SLC30A8: variants seen among roughly 807,000 people sequenced by gnomAD.
SLC30A8 encodes solute carrier family 30 member 8, also known as proton-coupled zinc antiporter SLC30A8.
In SLC30A8, 27 loss-of-function variants were observed where a neutral mutation model predicts 36.9. The ratio of observed to expected loss-of-function variants is 0.73; its 90% CI spans 0.54 to 1.01. The LOEUF is 1.01. Ranked by LOEUF, SLC30A8 falls within the 50% of genes least tolerant of loss-of-function variation. The pLI is 0.00. For synonymous variants in SLC30A8, 164 were observed against 172.4 expected (o/e 0.95, Z 0.38); for missense variants, 439 against 452.0 (o/e 0.97, Z 0.26).
In SLC30A8 at chr8:117,175,833, G is replaced by A. The variant is rs1299395757; in HGVS notation, c.*3152G>A. 1 of 152,066 alleles carries A rather than the reference G, an allele frequency of 6.6e-6. No individual in the cohort carries two copies. Among genetic ancestry groups the A allele is most frequent in the Admixed American group, 6.6e-5 (1 of 15,238 alleles). 9.4% of individuals were successfully genotyped at this position (152,066 alleles called of 1,614,324 possible). A position where few individuals can be genotyped will look rare whatever the true frequency, so the allele number is the denominator to read the frequency against. On this transcript the variant is annotated 3_prime_UTR_variant, in exon 8 of 8. Transcript: ENST00000456015. ...ACAGCTGTTTCTCAGAGGAAGCAAT[G>A]GAGGCTTGCTGGGATAAAGGCATTT...
intron 1 of SLC30A8, among the ~76,000 whole-genome samples, chr8:116,959,409 A>C (rs549070011): frequency 2.6e-5 from 4 of 152,160 alleles, no homozygotes; most frequent in African/African-American, 7.2e-5. Context: ...TTTAGTATCA[A>C]TGTTAGTTCT....
In SLC30A8 at chr8:117,157,672, T is replaced by G; in HGVS notation, c.419-19T>G. The G allele has an allele frequency of 1.9e-6, 3 of 1,613,632 alleles. No homozygotes were observed. In the South Asian group the frequency reaches 3.3e-5, roughly 18 times the overall value. On this transcript the variant is annotated intron_variant, in intron 3 of 7. Transcript: ENST00000456015. Reference sequence around the variant, plus strand: ...GGAGTTATCTGTGTGTGGGTTTCTGTGTGTGTTTGAATTCCTAGAGATCCT... The same window carrying G: ...GGAGTTATCTGTGTGTGGGTTTCTGGGTGTGTTTGAATTCCTAGAGATCCT...
intron 2 of SLC30A8, among the ~76,000 whole-genome samples, chr8:117,111,927 A>C (rs1820244612): frequency 6.6e-6 from 1 of 152,046 alleles, no homozygotes; most frequent in Non-Finnish European, 1.5e-5. Flanking sequence ...AATATCTGGA[A>C]ATGTCTAGAA....
upstream of SLC30A8, among the ~76,000 whole-genome samples, chr8:117,133,806 A>G (rs1385208814): frequency 6.6e-6 from 1 of 151,996 alleles, no homozygotes; most frequent in Non-Finnish European, 1.5e-5. Flanking sequence ...GAGAAAAAAT[A>G]CATTGGTTTT....
At chr8:116,977,291 G>GCCACCCGAGTA (rs1399010565) in intron 1 of SLC30A8, among the ~76,000 whole-genome samples, 1 of 147,180 alleles carries the variant, frequency 6.8e-6, no homozygotes, top group Non-Finnish European at 1.5e-5. Context: ...TGGGACTACA[G>GCCACCCGAGTA]GCGCCCGCCA....
intron 2 of SLC30A8, among the ~76,000 whole-genome samples, chr8:117,150,971 CCTT>C (rs1554590615): frequency 6.6e-6 from 1 of 151,300 alleles, no homozygotes; most frequent in Non-Finnish European, 1.5e-5. Flanking sequence ...AAGTAGATCT[CCTT>C]AGCCATAGAA....
rs560122018 is a variant in SLC30A8, at chr8:117,161,804, C to T, written c.639C>T (p.Ser213=). 8.7e-6 allele frequency: 14 copies of T among 1,613,924 alleles called. No individual in the cohort carries two copies. Among genetic ancestry groups the T allele is most frequent in the Middle Eastern group, 1.7e-4 (1 of 6,060 alleles). Residue 213 remains serine, a synonymous_variant, in exon 5 of 8, where the codon AGC becomes AGT. Transcript: ENST00000456015. ...ACAAGGAAGTACAAGCCAATGCCAG[C>T]GTCAGAGCTGCTTTTGTGCATGCCC... is the stretch of plus-strand genomic sequence containing the variant. ...HNHKEVQANA[S]VRAAFVHALG... is the part of the protein sequence containing the mutation.
At chr8:116,969,983 C>A (rs906770792) in intron 1 of SLC30A8, among the ~76,000 whole-genome samples, 3 of 151,918 alleles carry the variant, frequency 2.0e-5, no homozygotes, top group African/African-American at 4.8e-5. Context: ...ACTAAATTAA[C>A]CTTAGCTTAC....
intron 2 of SLC30A8, among the ~76,000 whole-genome samples, chr8:117,096,920 T>G (rs1416932613): frequency 3.3e-5 from 5 of 152,094 alleles, no homozygotes; most frequent in Admixed American, 3.3e-4. Context: ...ACTCGTTGTC[T>G]TATTACTGCC....
chr8:117,013,890 A>AT (rs1027221862), intron 1 of SLC30A8, among the ~76,000 whole-genome samples: 1 of 152,114 alleles, frequency 6.6e-6, no homozygotes, highest in African/African-American at 2.4e-5. Flanking sequence ...ATTATCAGTC[A>AT]TTTTTTTCAA....
At chr8:117,075,887 G>A (rs1818472349) in intron 2 of SLC30A8, among the ~76,000 whole-genome samples, 2 of 152,108 alleles carry the variant, frequency 1.3e-5, no homozygotes, top group South Asian at 4.1e-4. Context: ...TGTACCCTCT[G>A]TCTCAGATAT....
chr8:117,086,690 G>T (rs1818891292), intron 2 of SLC30A8, among the ~76,000 whole-genome samples: 1 of 152,138 alleles, frequency 6.6e-6, no homozygotes, highest in South Asian at 2.1e-4. Context: ...AGAAACACAA[G>T]ACAGGAAGTT....
chr8:117,159,885 C>T (rs778827585), intron 4 of SLC30A8, among the ~76,000 whole-genome samples: 8 of 152,200 alleles, frequency 5.3e-5, no homozygotes, highest in Non-Finnish European at 1.0e-4. Flanking sequence ...ATTTTCTAAA[C>T]AGATATCATC....
intron 2 of SLC30A8, among the ~76,000 whole-genome samples, chr8:117,087,025 CCTT>C (rs1014748249): frequency 7.5e-4 from 114 of 152,288 alleles, no homozygotes; most frequent in African/African-American, 2.7e-3. Flanking sequence ...ATGGCTATCT[CCTT>C]CTTCAGGGTC....
intron 2 of SLC30A8, among the ~76,000 whole-genome samples, chr8:117,128,954 A>C (rs1349417894): frequency 1.3e-5 from 2 of 152,040 alleles, no homozygotes; most frequent in African/African-American, 4.8e-5. Context: ...CAAATATACC[A>C]ACTGAATGCA....
At chr8:116,986,551 C>T (rs1166169221) in intron 1 of SLC30A8, among the ~76,000 whole-genome samples, 1 of 152,184 alleles carries the variant, frequency 6.6e-6, no homozygotes, top group Non-Finnish European at 1.5e-5. Context: ...CATTAATGAT[C>T]TGCAGTGGGA....
intron 1 of SLC30A8, among the ~76,000 whole-genome samples, chr8:117,036,109 T>TC (rs113720551): frequency 0.041 from 6,117 of 150,814 alleles, 162 homozygotes; most frequent in Non-Finnish European, 0.053. Context: ...CAGTTTGAAT[T>TC]CCCCCCCCCA....
In SLC30A8 at chr8:117,147,042, C is replaced by T; in HGVS notation, c.160C>T (p.His54Tyr). 6.2e-7 allele frequency: 1 copy of T among 1,614,082 alleles called. No homozygotes were observed. The highest frequency in any genetic ancestry group is 1.7e-5 in the Admixed American group (1 of 60,016). ...ELESGGMYHC[H>Y]SGSKPTEKGA... ...GGAGTCAGGAGGCATGTACCACTGC[C>T]ACAGTGGCTCCAAGCCCACAGAAAA... Residue 54 changes from histidine (H) to tyrosine (Y), a missense_variant, in exon 2 of 8, where the codon CAC becomes TAC. Coordinates refer to ENST00000456015, the MANE Select transcript of SLC30A8 (RefSeq NM_173851.3).
At chr8:116,995,632 G>T (rs554877810) in intron 1 of SLC30A8, among the ~76,000 whole-genome samples, 51 of 152,164 alleles carry the variant, frequency 3.4e-4, no homozygotes, top group Middle Eastern at 3.4e-3. Flanking sequence ...TGAATGTATT[G>T]GGGGCACAGT....
Sources: gnomAD v4.1 joint callset for allele counts (sites outside exome capture counted in the v4.1 genomes callset) on GRCh38, gnomAD v4.1.1 for gene constraint, MANE v1.5 for transcripts, NCBI Gene and HGNC (gene_info 2026-07-23, HGNC 2026-07-21) for gene names.